CACNA2D1: variants seen among roughly 807,000 people sequenced by gnomAD.
CACNA2D1 encodes voltage-dependent calcium channel subunit alpha-2/delta-1.
A neutral mutation model predicts 171.5 loss-of-function variants in CACNA2D1; 53 were observed. The ratio of observed to expected loss-of-function variants is 0.31; its 90% CI spans 0.25 to 0.39. The LOEUF (loss-of-function observed/expected upper bound fraction) is 0.39, where lower values mean the gene tolerates loss of function less well. CACNA2D1 is among the 10% of genes least tolerant of loss of function. The pLI is 1.00. For missense variants in CACNA2D1, 903 were observed against 1,299.8 expected (o/e 0.69, Z 4.69); for synonymous variants, 442 against 443.1 (o/e 1.00, Z 0.03).
chr7:82,253,210 G>C (rs558732156), intron 3 of CACNA2D1, among the ~76,000 whole-genome samples: 3 of 152,270 alleles, frequency 2.0e-5, no homozygotes, highest in South Asian at 2.1e-4. Context: ...ATTTGGGATA[G>C]AAAAAGTGAT....
At chr7:81,991,349 T>C in intron 20 of CACNA2D1, 103 bp from the exon 21 acceptor site, 3 of 706,012 alleles carry the variant, frequency 4.2e-6, no homozygotes, top group Non-Finnish European at 5.2e-6. Flanking sequence ...AGTCATTTAA[T>C]ACTCATCTTT....
At chr7:81,986,389 C>T (rs751899051) in intron 21 of CACNA2D1, among the ~76,000 whole-genome samples, 29 of 151,820 alleles carry the variant, frequency 1.9e-4, no homozygotes, top group Admixed American at 4.6e-4. Flanking sequence ...ATAATTTCAA[C>T]TTTTAGATTT....
intron 12 of CACNA2D1, among the ~76,000 whole-genome samples, chr7:82,026,043 G>A (rs1293320087): frequency 6.9e-6 from 1 of 145,316 alleles, no homozygotes; most frequent in East Asian, 2.0e-4. Context: ...TTTGTCTCGT[G>A]TCAGTTTTTT....
chr7:81,987,062 A>C lies in CACNA2D1; in HGVS notation c.1797-2351T>G, dbSNP rs548433454. On this transcript the variant is annotated intron_variant, in intron 21 of 38. Transcript: ENST00000356860. ...TAATATACCATAAATATAGTATGGA[A>C]ACCCATGAGGAAGAAAAGAGAAGTT... Among the ~76,000 whole-genome samples the C allele has an allele frequency of 3.9e-5, 6 of 152,332 alleles. No homozygotes were observed. In the East Asian group the frequency reaches 1.2e-3, roughly 29 times the overall value.
intron 1 of CACNA2D1, among the ~76,000 whole-genome samples, chr7:82,423,032 C>T (rs1828859416): frequency 6.6e-6 from 1 of 152,096 alleles, no homozygotes; most frequent in African/African-American, 2.4e-5. Flanking sequence ...ACACTCCATT[C>T]CTTGAAAACT....
chr7:82,228,336 G>A (rs1162630396), intron 3 of CACNA2D1, among the ~76,000 whole-genome samples: 1 of 152,132 alleles, frequency 6.6e-6, no homozygotes, highest in East Asian at 1.9e-4. Flanking sequence ...ATAATAGGCT[G>A]CCTGGTGAGA....
intron 3 of CACNA2D1, among the ~76,000 whole-genome samples, chr7:82,189,103 C>A (rs888957414): frequency 2.6e-5 from 4 of 151,952 alleles, no homozygotes; most frequent in Non-Finnish European, 5.9e-5. Context: ...ATTATCTGTA[C>A]ACCAAACTCC....
chr7:82,274,776 T>C (rs919478654), intron 3 of CACNA2D1, among the ~76,000 whole-genome samples: 3 of 152,170 alleles, frequency 2.0e-5, no homozygotes, highest in Non-Finnish European at 4.4e-5. Flanking sequence ...CAATTCTTTT[T>C]TGTTGGTTCT....
intron 10 of CACNA2D1, among the ~76,000 whole-genome samples, chr7:82,055,771 G>A (rs1412310511): frequency 1.2e-5 from 1 of 80,002 alleles, no homozygotes; most frequent in East Asian, 4.7e-4. Flanking sequence ...TGTAGGGTGG[G>A]GGGAGGGGGG....
At chr7:82,405,807 C>G (rs1463696262) in intron 1 of CACNA2D1, among the ~76,000 whole-genome samples, 1 of 152,064 alleles carries the variant, frequency 6.6e-6, no homozygotes, top group Non-Finnish European at 1.5e-5. Flanking sequence ...GTGCTACATA[C>G]AAAAAGAAAA....
intron 1 of CACNA2D1, among the ~76,000 whole-genome samples, chr7:82,433,530 A>C (rs1470562546): frequency 6.6e-6 from 1 of 152,232 alleles, no homozygotes; most frequent in Admixed American, 6.5e-5. Flanking sequence ...CATCTGCTTT[A>C]ATTCTCAAGG....
intron 1 of CACNA2D1, among the ~76,000 whole-genome samples, chr7:82,417,428 A>C (rs994056893): frequency 6.6e-6 from 1 of 152,230 alleles, no homozygotes; most frequent in Non-Finnish European, 1.5e-5. Context: ...TACCCAATTT[A>C]CCTGTTTTAA....
Position 82,296,148 on chromosome 7 carries a change from T to C in CACNA2D1, c.294+38987A>G, listed in dbSNP as rs1257395429. Among the ~76,000 whole-genome samples the C allele has an allele frequency of 5.3e-5, 8 of 151,726 alleles. No homozygotes were observed. In the South Asian group the frequency reaches 8.3e-4, roughly 16 times the overall value. Reference sequence around the variant, plus strand: ...GGGGGAGGGATAGCATTAGGAGATATACCTAATGCTGAATGACGAGTTAAT... The same window carrying C: ...GGGGGAGGGATAGCATTAGGAGATACACCTAATGCTGAATGACGAGTTAAT... On this transcript the variant is annotated intron_variant, in intron 3 of 38. Coordinates refer to ENST00000356860, the MANE Select transcript of CACNA2D1 (RefSeq NM_000722.4).
intron 12 of CACNA2D1, among the ~76,000 whole-genome samples, chr7:82,025,730 T>TC (rs1400146621): frequency 6.6e-6 from 1 of 151,568 alleles, no homozygotes; most frequent in Non-Finnish European, 1.5e-5. Context: ...TGAAGAATGT[T>TC]CCATATGCAC....
chr7:82,313,208 C>G (rs1301122971), intron 3 of CACNA2D1, among the ~76,000 whole-genome samples: 1 of 152,130 alleles, frequency 6.6e-6, no homozygotes, highest in Admixed American at 6.5e-5. Context: ...CCATAGCTAC[C>G]AATCTTTGAT....
intron 3 of CACNA2D1, among the ~76,000 whole-genome samples, chr7:82,284,672 T>G (rs1296629255): frequency 1.3e-5 from 2 of 152,136 alleles, no homozygotes; most frequent in Non-Finnish European, 2.9e-5. Context: ...CAAGCCCTTC[T>G]GTACAGCGCT....
chr7:82,133,719 T>C (rs1489879453), intron 5 of CACNA2D1, among the ~76,000 whole-genome samples: 1 of 152,086 alleles, frequency 6.6e-6, no homozygotes. Context: ...AAAAGAATGA[T>C]CCAACAACTA....
At chr7:81,951,976 T>G (rs1215403459) in intron 38 of CACNA2D1, among the ~76,000 whole-genome samples, 20 of 148,094 alleles carry the variant, frequency 1.4e-4, no homozygotes, top group Admixed American at 2.7e-4. Context: ...AGTGTTTTTT[T>G]TTTTTTTTTT....
chr7:82,152,524 T>C (rs1793972819), intron 4 of CACNA2D1, among the ~76,000 whole-genome samples: 1 of 152,044 alleles, frequency 6.6e-6, no homozygotes, highest in South Asian at 2.1e-4. Context: ...GGGAATCCTG[T>C]GTTTTTCTGT....
Sources: allele counts gnomAD v4.1 joint callset (sites outside exome capture counted in the v4.1 genomes callset), GRCh38; gene constraint gnomAD v4.1.1; transcripts MANE v1.5; gene names NCBI Gene and HGNC (gene_info 2026-07-23, HGNC 2026-07-21).